TOP1: variants seen among roughly 807,000 people sequenced by gnomAD.
TOP1 encodes the protein DNA topoisomerase I.
In TOP1, 10 loss-of-function variants were observed where a neutral mutation model predicts 111.1. The observed-to-expected ratio is 0.09, with a 90% CI of 0.06 to 0.15. TOP1 has a LOEUF of 0.15. Among genes scored for constraint, TOP1 ranks in the 10% least tolerant of loss-of-function variants. The pLI is 1.00. For missense variants in TOP1, 474 were observed against 926.7 expected (o/e 0.51, Z 6.34); for synonymous variants, 271 against 302.9 (o/e 0.89, Z 1.10).
At chr20:41,039,536 C>A (rs2122593209) in intron 2 of TOP1, among the ~76,000 whole-genome samples, 1 of 152,026 alleles carries the variant, frequency 6.6e-6, no homozygotes, top group African/African-American at 2.4e-5. Context: ...CTGAAATAGG[C>A]AAAAAGATTT....
In TOP1 at chr20:41,061,842, A is replaced by AT. The variant is rs1178001153; in HGVS notation, c.155+360dup. Among the ~76,000 whole-genome samples the AT allele has an allele frequency of 1.3e-5, 2 of 152,016 alleles. No homozygotes were observed. The highest frequency in any genetic ancestry group is 1.9e-4 in the East Asian group (1 of 5,186). On this transcript the variant is annotated intron_variant, in intron 3 of 20. Transcript: ENST00000361337. This position sits in a 1 kb window ranked among gnomAD's most constrained non-coding sequence, Gnocchi z 4.6. The stretch of plus-strand genomic sequence containing the variant: ...AAAAGGTAACTGGATTGGAGACCTG[A>AT]TTTTTTTTCTTCTTTCTATATTTTA...
chr20:41,073,246 T>G lies in TOP1; in HGVS notation c.156-2925T>G, dbSNP rs2033687758. The G allele has an allele frequency of 4.1e-6, 4 of 985,184 alleles. No homozygotes were observed. In the South Asian group the frequency reaches 1.4e-4, roughly 35 times the overall value. 61.0% of individuals were successfully genotyped at this position (985,184 alleles called of 1,614,324 possible). A position where few individuals can be genotyped will look rare whatever the true frequency, so the allele number is the denominator to read the frequency against. ...AAGCCAGTTTTCTAGTGAAAATGGC[T>G]AACATTCTAAGAAATGCTTTCACTG... is the stretch of plus-strand genomic sequence containing the variant. On this transcript the variant is annotated intron_variant, in intron 3 of 20. Transcript: ENST00000361337.
chr20:41,106,048 A>C lies in TOP1; in HGVS notation c.1308+4695A>C, dbSNP rs1371561074. On this transcript the variant is annotated intron_variant, in intron 13 of 20. Coordinates refer to ENST00000361337, the MANE Select transcript of TOP1 (RefSeq NM_003286.4). The surrounding 1 kb of genome is among the most constrained non-coding windows in gnomAD (Gnocchi z 4.3). ...ATGTTTCTAAAGTTTTGCTTTTTAC[A>C]TTTGGGTCTTAGATCCACTAGAATG... Among the ~76,000 whole-genome samples the C allele has an allele frequency of 7.7e-6, 1 of 130,014 alleles. No homozygotes were observed. Among genetic ancestry groups the C allele is most frequent in the East Asian group, 2.2e-4 (1 of 4,528 alleles). 85.3% of individuals were successfully genotyped at this position (130,014 alleles called of 152,430 possible). A position where few individuals can be genotyped will look rare whatever the true frequency, so the allele number is the denominator to read the frequency against.
At position 41,123,466 on chromosome 20, in the gene TOP1, C is replaced by T. The variant is rs2034451444; in HGVS notation, c.*169C>T. On this transcript the variant is annotated 3_prime_UTR_variant, in exon 21 of 21. Coordinates refer to ENST00000361337, the MANE Select transcript of TOP1 (RefSeq NM_003286.4). The surrounding 1 kb of genome is among the most constrained non-coding windows in gnomAD (Gnocchi z 5.8). ...GAGATATTATAAGGGAGAGCTGAGC[C>T]AGTTGTCCTATGGACAACTTATTTA... 6.0e-6 allele frequency: 3 copies of T among 495,922 alleles called. No individual in the cohort carries two copies. In the East Asian group the frequency reaches 9.9e-5, roughly 16 times the overall value. 30.7% of individuals were successfully genotyped at this position (495,922 alleles called of 1,614,324 possible).
intron 3 of TOP1, chr20:41,073,087 C>G (rs981890740): frequency 7.1e-6 from 7 of 985,194 alleles, no homozygotes; most frequent in Non-Finnish European, 8.4e-6. Flanking sequence ...TGGCAAATGT[C>G]TCATTTGCCT....
In TOP1 at chr20:41,101,294, A is replaced by G. The variant is rs1287698565; in HGVS notation, c.1249A>G (p.Thr417Ala). 1.1e-5 allele frequency: 17 copies of G among 1,614,076 alleles called. No homozygotes were observed. Among genetic ancestry groups the G allele is most frequent in the Non-Finnish European group, 1.4e-5 (17 of 1,180,012 alleles). The change falls in exon 13 of 21, where the codon ACA becomes GCA. Residue 417 changes from threonine to alanine, a missense_variant. This residue lies in a region of TOP1 where 7 missense variants were observed against 57.3 expected (regional missense o/e 0.12). Coordinates refer to ENST00000361337, the MANE Select transcript of TOP1 (RefSeq NM_003286.4). The surrounding 1 kb of genome is among the most constrained non-coding windows in gnomAD (Gnocchi z 4.1). ...CAAGGTTACTTGGCTGGTTTCCTGGACAGAGAACATCCAAGGTTCCATTAA... is the reference window on the plus strand; with the variant it reads ...CAAGGTTACTTGGCTGGTTTCCTGGGCAGAGAACATCCAAGGTTCCATTAA... ...DNKVTWLVSW[T>A]ENIQGSIKYI... is the part of the protein sequence containing the mutation.
rs2033622442 is a variant in TOP1 at position 41,067,467 on chromosome 20, C to T, written c.155+5977C>T. 6.6e-6 allele frequency among the ~76,000 whole-genome samples: 1 copy of T among 152,094 alleles called. No individual in the cohort carries two copies. Among genetic ancestry groups the T allele is most frequent in the African/African-American group, 2.4e-5 (1 of 41,420 alleles). ...GTGATCCTTTTAAAGTACCTCTGATCTTTTTAAATAGTTTAGGGTTTCTTC... is the reference window on the plus strand; with the variant it reads ...GTGATCCTTTTAAAGTACCTCTGATTTTTTTAAATAGTTTAGGGTTTCTTC... On this transcript the variant is annotated intron_variant, in intron 3 of 20. Coordinates refer to ENST00000361337, the MANE Select transcript of TOP1 (RefSeq NM_003286.4). The surrounding 1 kb of genome is among the most constrained non-coding windows in gnomAD (Gnocchi z 4.0).
At chr20:41,059,494 C>A (rs1337986056) in intron 2 of TOP1, among the ~76,000 whole-genome samples, 1 of 151,570 alleles carries the variant, frequency 6.6e-6, no homozygotes, top group Non-Finnish European at 1.5e-5. Flanking sequence ...TAATCCCAGC[C>A]ATTCCAAGGG....
chr20:41,113,996 G>A lies in TOP1; in HGVS notation c.1479G>A (p.Lys493=). 6.2e-7 allele frequency: 1 copy of A among 1,613,880 alleles called. No homozygotes were observed. Among genetic ancestry groups the A allele is most frequent in the Non-Finnish European group, 8.5e-7 (1 of 1,179,838 alleles). ...TTGCTCTGAGAGCAGGCAATGAAAA[G>A]GAGGAAGGAGAAACAGCGGACACTG... is the stretch of plus-strand genomic sequence containing the variant. ...DKLALRAGNE[K]EEGETADTVG... is the part of the protein sequence containing the mutation. Residue 493 remains lysine, a synonymous_variant, in exon 15 of 21, where the codon AAG becomes AAA. Coordinates refer to ENST00000361337, the MANE Select transcript of TOP1 (RefSeq NM_003286.4).
intron 8 of TOP1, among the ~76,000 whole-genome samples, chr20:41,085,600 T>C (rs922672393): frequency 3.3e-5 from 5 of 152,252 alleles, no homozygotes; most frequent in Non-Finnish European, 1.5e-5. Context: ...GATTGACAGA[T>C]TTAATAGTTA....
At chr20:41,084,658 G>T in intron 8 of TOP1, 90 bp downstream of exon 8, 1 of 708,906 alleles carries the variant, frequency 1.4e-6, no homozygotes, top group East Asian at 2.9e-5. Flanking sequence ...TTAATATCCT[G>T]ATATTTGGGG....
chr20:41,047,900 G>A (rs1015462410), intron 2 of TOP1, among the ~76,000 whole-genome samples: 4 of 152,034 alleles, frequency 2.6e-5, no homozygotes, highest in Admixed American at 2.0e-4. Context: ...ACCCATTAGC[G>A]TCCAGACAAC....
At chr20:41,065,339 G>A (rs1031732132) in intron 3 of TOP1, among the ~76,000 whole-genome samples, 69 of 152,042 alleles carry the variant, frequency 4.5e-4, no homozygotes, top group African/African-American at 1.6e-3. Context: ...TTCTTCTCAC[G>A]TACTCTTAAT....
chr20:41,072,011 G>C (rs374783210), intron 3 of TOP1, among the ~76,000 whole-genome samples: 1 of 152,122 alleles, frequency 6.6e-6, no homozygotes, highest in Admixed American at 6.5e-5. Context: ...TCCAACCTTT[G>C]GTTTCCTTCC....
At chr20:41,068,824 A>T (rs1478022382) in intron 3 of TOP1, among the ~76,000 whole-genome samples, 1 of 152,236 alleles carries the variant, frequency 6.6e-6, no homozygotes, top group African/African-American at 2.4e-5. Flanking sequence ...TTTATCTTTA[A>T]TAGTAGATCT....
intron 3 of TOP1, among the ~76,000 whole-genome samples, chr20:41,065,573 C>T (rs1484797428): frequency 1.3e-5 from 2 of 152,200 alleles, no homozygotes; most frequent in African/African-American, 4.8e-5. Flanking sequence ...TATCTTTCTA[C>T]TTTGTCTTTT....
rs1337312953 is a variant in TOP1, at chr20:41,062,840, C to T, written c.155+1350C>T. Among the ~76,000 whole-genome samples the T allele has an allele frequency of 3.3e-5, 5 of 152,196 alleles. No homozygotes were observed. In the East Asian group the frequency reaches 9.6e-4, roughly 29 times the overall value. Reference sequence around the variant, plus strand: ...TAATTAAGGATATGGAAGACTTGAACAGTATCAACCAACTTGATCTAATCG... The same window carrying T: ...TAATTAAGGATATGGAAGACTTGAATAGTATCAACCAACTTGATCTAATCG... On this transcript the variant is annotated intron_variant, in intron 3 of 20. Coordinates refer to ENST00000361337, the MANE Select transcript of TOP1 (RefSeq NM_003286.4).
At chr20:41,045,062 A>G (rs2033316935) in intron 2 of TOP1, among the ~76,000 whole-genome samples, 1 of 152,214 alleles carries the variant, frequency 6.6e-6, no homozygotes, top group African/African-American at 2.4e-5. Flanking sequence ...TGCTGGGATT[A>G]CAAGCATGAG....
In TOP1 at chr20:41,077,608, A is replaced by T. The variant is rs780640549; in HGVS notation, c.306A>T (p.Ile102=). Residue 102 remains isoleucine, a synonymous_variant, in exon 5 of 21, where the codon ATA becomes ATT. Coordinates refer to ENST00000361337, the MANE Select transcript of TOP1 (RefSeq NM_003286.4). The part of the protein sequence containing the change: ...EKVRASGDAK[I]KKEKENGFSS... ...TTCGAGCCTCTGGGGATGCAAAAAT[A>T]AAGAAGGAGAAGGAAAATGGCTTCT... 1 of 1,614,154 alleles carries T rather than the reference A, an allele frequency of 6.2e-7. No homozygotes were observed. The highest frequency in any genetic ancestry group is 1.7e-5 in the Admixed American group (1 of 60,026).
Sources: gnomAD v4.1 joint callset for allele counts (sites outside exome capture counted in the v4.1 genomes callset) on GRCh38, gnomAD v4.1.1 for gene constraint, gnomAD v4.1.1 regional missense constraint, Gnocchi (gnomAD v3.1) non-coding constraint, MANE v1.5 for transcripts, NCBI Gene and HGNC (gene_info 2026-07-23, HGNC 2026-07-21) for gene names.